WWOX: variants seen among roughly 807,000 people sequenced by gnomAD.
WWOX encodes WW domain containing oxidoreductase, also known as WW domain-containing oxidoreductase.
A neutral mutation model predicts 46.2 loss-of-function variants in WWOX; 69 were observed. That is an observed-to-expected ratio of 1.49 (90% CI 1.23 to 1.82). The LOEUF is 1.82. WWOX is among the 40% of genes most tolerant of loss of function. WWOX has a pLI of 0.00. For synonymous variants in WWOX, 359 were observed against 202.6 expected (o/e 1.77, Z -6.56); for missense variants, 919 against 542.6 (o/e 1.69, Z -6.89).
chr16:79,010,405 A>G (rs1318234473), intron 8 of WWOX, among the ~76,000 whole-genome samples: 7 of 152,078 alleles, frequency 4.6e-5, no homozygotes, highest in African/African-American at 1.7e-4. Flanking sequence ...CAAAGGACCT[A>G]TGTTTGCTAA....
intron 8 of WWOX, among the ~76,000 whole-genome samples, chr16:78,509,246 C>T (rs1465765439): frequency 1.3e-5 from 2 of 152,204 alleles, no homozygotes; most frequent in African/African-American, 2.4e-5. Context: ...CAAGACCAGC[C>T]TGGCCAACAT....
At chr16:79,014,582 AC>A (rs2047375372) in intron 8 of WWOX, among the ~76,000 whole-genome samples, 1 of 152,196 alleles carries the variant, frequency 6.6e-6, no homozygotes, top group South Asian at 2.1e-4. Flanking sequence ...GGCAAAAACA[AC>A]CCAACTCCTA....
chr16:78,889,248 A>G (rs1432710470), intron 8 of WWOX, among the ~76,000 whole-genome samples: 2 of 152,100 alleles, frequency 1.3e-5, no homozygotes, highest in Non-Finnish European at 2.9e-5. Context: ...AGCTCCACTC[A>G]TTCATTTATA....
intron 8 of WWOX, among the ~76,000 whole-genome samples, chr16:78,852,696 C>A (rs1279600224): frequency 6.6e-6 from 1 of 152,060 alleles, no homozygotes; most frequent in African/African-American, 2.4e-5. Flanking sequence ...TTGCTACACA[C>A]CAATATTAAT....
At chr16:78,700,346 GA>G in intron 8 of WWOX, among the ~76,000 whole-genome samples, 1 of 140,622 alleles carries the variant, frequency 7.1e-6, no homozygotes, top group Non-Finnish European at 1.5e-5. Flanking sequence ...GAGAGAGAGA[GA>G]GAGAGAGAGA....
At chr16:78,467,701 T>C (rs1454583925) in intron 8 of WWOX, among the ~76,000 whole-genome samples, 3 of 152,224 alleles carry the variant, frequency 2.0e-5, no homozygotes, top group Non-Finnish European at 4.4e-5. Context: ...CTGTTTTCCC[T>C]CTGTTCAGAA....
chr16:78,970,198 T>G (rs1486211645), intron 8 of WWOX, among the ~76,000 whole-genome samples: 1 of 152,118 alleles, frequency 6.6e-6, no homozygotes. Context: ...AATGCCCCCT[T>G]TGAAAGCCAT....
At chr16:78,883,056 C>G (rs35977799) in intron 8 of WWOX, among the ~76,000 whole-genome samples, 1 of 151,990 alleles carries the variant, frequency 6.6e-6, no homozygotes, top group African/African-American at 2.4e-5. Context: ...AGCACCTTAG[C>G]GGTTCGCCTT....
intron 8 of WWOX, among the ~76,000 whole-genome samples, chr16:79,108,988 C>T (rs1050958115): frequency 5.9e-5 from 9 of 151,756 alleles, no homozygotes; most frequent in Non-Finnish European, 1.2e-4. Flanking sequence ...TATCCTTCTT[C>T]TCCCCATCAG....
At chr16:79,064,845 A>G (rs1264227361) in intron 8 of WWOX, among the ~76,000 whole-genome samples, 2 of 152,204 alleles carry the variant, frequency 1.3e-5, no homozygotes, top group Non-Finnish European at 2.9e-5. Flanking sequence ...CTGGAATGGC[A>G]TTCTAATGTT....
In WWOX at chr16:78,687,346, C is replaced by T. The variant is rs373545662; in HGVS notation, c.1056+254594C>T. Among the ~76,000 whole-genome samples the T allele has an allele frequency of 6.7e-4, 102 of 152,236 alleles. No individual in the cohort carries two copies. The South Asian group carries it at 0.012, about 18-fold the overall frequency. ...TTTTAGATTAAAGCATTGTACCTATCGAAAGAAGAGAATCGAAAATGCGAA... is the reference window on the plus strand; with the variant it reads ...TTTTAGATTAAAGCATTGTACCTATTGAAAGAAGAGAATCGAAAATGCGAA... On this transcript the variant is annotated intron_variant, in intron 8 of 8. Transcript: ENST00000566780.
intron 8 of WWOX, among the ~76,000 whole-genome samples, chr16:78,751,415 TTATA>T (rs140469865): frequency 1.4e-5 from 2 of 142,434 alleles, no homozygotes; most frequent in Non-Finnish European, 1.5e-5. Flanking sequence ...ATTTATCAGA[TTATA>T]TATATATATA....
chr16:78,757,009 C>T (rs991768092), intron 8 of WWOX: 16 of 699,712 alleles, frequency 2.3e-5, no homozygotes, highest in Non-Finnish European at 3.1e-5. Context: ...CTCCTGCCAA[C>T]AGCCATGTGA....
chr16:78,915,283 G>A (rs1403980008), intron 8 of WWOX, among the ~76,000 whole-genome samples: 1 of 152,284 alleles, frequency 6.6e-6, no homozygotes, highest in Middle Eastern at 3.4e-3. Context: ...CAGAGAATCT[G>A]GTCACCTGTC....
intron 8 of WWOX, among the ~76,000 whole-genome samples, chr16:78,564,649 C>T (rs963454923): frequency 2.6e-5 from 4 of 152,108 alleles, no homozygotes; most frequent in African/African-American, 9.7e-5. Flanking sequence ...AGAATATTCC[C>T]TTCTTTTATC....
chr16:78,358,406 C>T (rs545513640), intron 5 of WWOX, among the ~76,000 whole-genome samples: 65 of 152,154 alleles, frequency 4.3e-4, no homozygotes, highest in African/African-American at 1.4e-3. Context: ...ACCTGTAATC[C>T]CGGCACTTTG....
intron 5 of WWOX, chr16:78,265,835 T>C (rs2079351119): frequency 6.6e-6 from 1 of 152,090 alleles, no homozygotes; most frequent in South Asian, 2.1e-4. Context: ...GTCAAGTAAA[T>C]AGACTCCTTA....
At chr16:78,273,164 C>G (rs1338251722) in intron 5 of WWOX, among the ~76,000 whole-genome samples, 1 of 152,200 alleles carries the variant, frequency 6.6e-6, no homozygotes, top group Admixed American at 6.5e-5. Context: ...TCTCCGCCTG[C>G]TGTGCCTTCC....
chr16:78,766,901 T>C (rs963935711), intron 8 of WWOX, among the ~76,000 whole-genome samples: 2 of 152,222 alleles, frequency 1.3e-5, no homozygotes, highest in Admixed American at 6.5e-5. Context: ...ACCTAAAATA[T>C]TTTCATCACA....
Sources: gnomAD v4.1 joint callset for allele counts (sites outside exome capture counted in the v4.1 genomes callset) on GRCh38, gnomAD v4.1.1 for gene constraint, MANE v1.5 for transcripts, NCBI Gene and HGNC (gene_info 2026-07-23, HGNC 2026-07-21) for gene names.